C3orf52: variants seen among roughly 807,000 people sequenced by gnomAD.
C3orf52 encodes the protein chromosome 3 open reading frame 52, also known as TPA-induced transmembrane protein.
In C3orf52, 22 loss-of-function variants were observed where a neutral mutation model predicts 24.8. The ratio of observed to expected loss-of-function variants is 0.89; its 90% CI spans 0.63 to 1.27. C3orf52 has a LOEUF of 1.27. Ranked by LOEUF, C3orf52 falls within the 50% of genes most tolerant of loss-of-function variation. C3orf52 has a pLI of 0.00. For synonymous variants in C3orf52, 93 were observed against 100.2 expected (o/e 0.93, Z 0.43); for missense variants, 265 against 260.7 (o/e 1.02, Z -0.11).
At position 112,116,845 on chromosome 3, in the gene C3orf52, A is replaced by G; in HGVS notation, c.*199A>G. ...TAAAACAGCTCCCGAGCACTGCTTC[A>G]GCTGGGTCCAGTCTTGACAAAGGCA... On this transcript the variant is annotated 3_prime_UTR_variant, in exon 6 of 6. Transcript: ENST00000264848. 1 of 1,537,586 alleles carries G rather than the reference A, an allele frequency of 6.5e-7. No homozygotes were observed. The highest frequency in any genetic ancestry group is 8.7e-7 in the Non-Finnish European group (1 of 1,146,912).
chr3:112,119,175 G>A (rs2074166070), downstream of C3orf52, among the ~76,000 whole-genome samples: 1 of 152,194 alleles, frequency 6.6e-6, no homozygotes, highest in Admixed American at 6.5e-5. Flanking sequence ...CTGAGGTTAG[G>A]AGCTCGAGAC....
In C3orf52 at chr3:112,113,201, T is replaced by A. The variant is rs914745288; in HGVS notation, c.649+56T>A. On this transcript the variant is annotated intron_variant, in intron 5 of 5. Coordinates refer to ENST00000264848, the MANE Select transcript of C3orf52 (RefSeq NM_024616.3). ...GTGACAATAAACAGGTGAACCAGAT[T>A]GGGGTCAAATTGGCTTGGTTCGATT... 6.9e-6 allele frequency: 10 copies of A among 1,444,620 alleles called. No homozygotes were observed. The South Asian group carries it at 1.4e-4, about 20-fold the overall frequency. The allele number at this position is 1,444,620 out of a possible 1,614,324, so 89.5% of individuals were successfully genotyped here. A position where few individuals can be genotyped will look rare whatever the true frequency, so the allele number is the denominator to read the frequency against.
At chr3:112,100,340 GT>G (rs1244918332) in intron 2 of C3orf52, among the ~76,000 whole-genome samples, 1 of 152,122 alleles carries the variant, frequency 6.6e-6, no homozygotes, top group African/African-American at 2.4e-5. Context: ...TACAACACAT[GT>G]TTTTGTGATT....
Position 112,117,069 on chromosome 3 carries a change from T to A in C3orf52, c.*423T>A. 1 of 735,956 alleles carries A rather than the reference T, an allele frequency of 1.4e-6. No individual in the cohort carries two copies. Among genetic ancestry groups the A allele is most frequent in the Non-Finnish European group, 2.2e-6 (1 of 456,280 alleles). The allele number at this position is 735,956 out of a possible 1,614,324, so 45.6% of individuals were successfully genotyped here. Reference sequence around the variant, plus strand: ...TCCACCCACCTGGGCTACTTTTTCTTTAGTGCAGAGGTGCACTGTCTTCTT... The same window carrying A: ...TCCACCCACCTGGGCTACTTTTTCTATAGTGCAGAGGTGCACTGTCTTCTT... On this transcript the variant is annotated 3_prime_UTR_variant, in exon 6 of 6. Transcript: ENST00000264848.
chr3:112,128,027 A>G, intron 4 of C3orf52: 1 of 1,613,738 alleles, frequency 6.2e-7, no homozygotes, highest in Non-Finnish European at 8.5e-7. Context: ...CATGGAAGGC[A>G]GAAACACCCT....
chr3:112,108,736 G>A (rs1276346701), intron 3 of C3orf52, among the ~76,000 whole-genome samples: 2 of 152,042 alleles, frequency 1.3e-5, no homozygotes, highest in African/African-American at 2.4e-5. Flanking sequence ...TGTAGAATAT[G>A]GTGCCTTTTA....
At chr3:112,105,378 T>TA (rs1168832591) in intron 3 of C3orf52, among the ~76,000 whole-genome samples, 1 of 152,240 alleles carries the variant, frequency 6.6e-6, no homozygotes, top group Non-Finnish European at 1.5e-5. Flanking sequence ...AATTAGCACC[T>TA]AAAGGTATTG....
chr3:112,135,919 C>G (rs958761611), downstream of C3orf52, among the ~76,000 whole-genome samples: 136 of 152,266 alleles, frequency 8.9e-4, no homozygotes, highest in African/African-American at 3.2e-3. Flanking sequence ...CTAACCTTTG[C>G]TGTCATTGTT....
At chr3:112,131,304 A>C (rs566218870), downstream of C3orf52, among the ~76,000 whole-genome samples, 1 of 151,936 alleles carries the variant, frequency 6.6e-6, no homozygotes, top group Non-Finnish European at 1.5e-5. Context: ...AGCTCCTCTC[A>C]TGAAGGGATG....
chr3:112,136,355 A>G, the C3orf52 span, among the ~76,000 whole-genome samples: 2 of 152,168 alleles, frequency 1.3e-5, no homozygotes, highest in African/African-American at 4.8e-5. Context: ...GAATATTCAG[A>G]AATAAAAGTG....
intron 3 of C3orf52, among the ~76,000 whole-genome samples, chr3:112,103,216 G>A (rs184526446): frequency 1.8e-4 from 28 of 152,218 alleles, no homozygotes; most frequent in African/African-American, 5.8e-4. Flanking sequence ...ACTTAAGGGC[G>A]GAGGGTGGGA....
chr3:112,134,806 T>C (rs896050988), downstream of C3orf52: 2 of 154,798 alleles, frequency 1.3e-5, no homozygotes, highest in Middle Eastern at 5.2e-4. Context: ...CTGACCATCA[T>C]TGAAAAGGAG....
At chr3:112,128,171 G>A in intron 4 of C3orf52, 5 of 894,690 alleles carry the variant, frequency 5.6e-6, no homozygotes, top group Non-Finnish European at 9.2e-6. Flanking sequence ...CTCCCCGCAA[G>A]CGTGTTTCAT....
chr3:112,124,889 CTATAAAA>C (rs2074278008), intron 4 of C3orf52, among the ~76,000 whole-genome samples: 1 of 152,106 alleles, frequency 6.6e-6, no homozygotes, highest in Non-Finnish European at 1.5e-5. Flanking sequence ...GTTTTCTCAT[CTATAAAA>C]TCGGGGGATG....
At chr3:112,101,581 T>A (rs1400405703) in intron 2 of C3orf52, among the ~76,000 whole-genome samples, 1 of 152,162 alleles carries the variant, frequency 6.6e-6, no homozygotes, top group East Asian at 1.9e-4. Flanking sequence ...CAGGACCAAT[T>A]TTGAGGAGGC....
At chr3:112,128,100 T>C in intron 4 of C3orf52, 1 of 1,585,132 alleles carries the variant, frequency 6.3e-7, no homozygotes, top group Non-Finnish European at 8.7e-7. Flanking sequence ...ATAAGGTTGA[T>C]TTCTGCAGCT....
chr3:112,091,732 C>T (rs958176557), intron 1 of C3orf52, among the ~76,000 whole-genome samples: 17 of 152,270 alleles, frequency 1.1e-4, no homozygotes, highest in African/African-American at 3.4e-4. Context: ...AGGCCAGTCG[C>T]GGTGGCTCAT....
At chr3:112,125,475 C>T (rs145170299) in intron 4 of C3orf52, among the ~76,000 whole-genome samples, 1 of 152,192 alleles carries the variant, frequency 6.6e-6, no homozygotes, top group South Asian at 2.1e-4. Context: ...GGGGGAGACA[C>T]ATTTGGTTAG....
intron 2 of C3orf52, 133 bp downstream of exon 2, chr3:112,093,622 A>G (rs2073900474): frequency 1.2e-6 from 1 of 835,110 alleles, no homozygotes; most frequent in African/African-American, 1.7e-5. Flanking sequence ...GGCTTGGAAT[A>G]TATTGTATGG....
Sources: gnomAD v4.1 joint callset for allele counts (sites outside exome capture counted in the v4.1 genomes callset) on GRCh38, gnomAD v4.1.1 for gene constraint, MANE v1.5 for transcripts, NCBI Gene and HGNC (gene_info 2026-07-23, HGNC 2026-07-21) for gene names.